SLC29A2: variants seen among roughly 807,000 people sequenced by gnomAD.
SLC29A2 encodes the protein equilibrative nucleoside transporter 2.
SLC29A2 carries 37 observed loss-of-function variants against 48.8 expected under a neutral mutation model. The observed-to-expected ratio is 0.76, with a 90% confidence interval of 0.58 to 1.00. The LOEUF (loss-of-function observed/expected upper bound fraction) is 1.00. SLC29A2 is among the 50% of genes least tolerant of loss of function. The probability of loss-of-function intolerance (pLI) is 0.00; values close to 1 mark genes in which losing one functional copy is unlikely to be tolerated. For missense variants in SLC29A2, 533 were observed against 578.6 expected (o/e 0.92, Z 0.81); for synonymous variants, 233 against 261.7 (o/e 0.89, Z 1.06).
chr11:66,363,181 G>A lies in SLC29A2; in HGVS notation c.*255C>T. ...CGTGCCCTGCACCCTCTTTTCCCTA[G>A]TCATCACCCTTTCCATGAGGTCTTG... On this transcript the variant is annotated 3_prime_UTR_variant, in exon 12 of 12. Coordinates refer to ENST00000357440, the MANE Select transcript of SLC29A2 (RefSeq NM_001532.3). 2.0e-6 allele frequency: 1 copy of A among 510,132 alleles called. No individual in the cohort carries two copies. Among genetic ancestry groups the A allele is most frequent in the Non-Finnish European group, 3.6e-6 (1 of 278,804 alleles). The allele number at this position is 510,132 out of a possible 1,614,324, so 31.6% of individuals were successfully genotyped here.
chr11:66,367,488 T>G lies in SLC29A2; in HGVS notation c.709A>C (p.Thr237Pro), dbSNP rs1855767422. 2 of 1,613,984 alleles carry G rather than the reference T, an allele frequency of 1.2e-6. No homozygotes were observed. The highest frequency in any genetic ancestry group is 1.7e-6 in the Non-Finnish European group (2 of 1,179,998). The change falls in exon 7 of 12, where the codon ACC (threonine) becomes CCC (proline). Residue 237 changes from threonine to proline, a missense_variant. Coordinates refer to ENST00000357440, the MANE Select transcript of SLC29A2 (RefSeq NM_001532.3). ...SSQAQAQELE[T>P]KAELLQSDEN... ...CCAGACTGGAGGAGCTCAGCTTTGG[T>G]CTCCAGCTCCTGAGCTTGGGCCTGG...
At position 66,364,392 on chromosome 11, in the gene SLC29A2, C is replaced by A. The variant is rs747279942; in HGVS notation, c.1092G>T (p.Leu364=). 1.2e-6 allele frequency: 2 copies of A among 1,613,420 alleles called. No individual in the cohort carries two copies. Among genetic ancestry groups the A allele is most frequent in the Admixed American group, 3.3e-5 (2 of 59,950 alleles). The change falls in exon 11 of 12, where the codon CTG becomes CTT. Residue 364 remains leucine, a synonymous_variant. Transcript: ENST00000357440. ...GCACGAACAGGAACCGCAGGCAGACCAGCAGGGGCAGCAGCCGGCTGTCCT... is the reference window on the plus strand; with the variant it reads ...GCACGAACAGGAACCGCAGGCAGACAAGCAGGGGCAGCAGCCGGCTGTCCT... ...PDEDSRLLPL[L]VCLRFLFVPL...
chr11:66,370,554 A>T (rs1391330579), intron 2 of SLC29A2, among the ~76,000 whole-genome samples: 1 of 152,204 alleles, frequency 6.6e-6, no homozygotes, highest in Non-Finnish European at 1.5e-5. Flanking sequence ...CAGTAGATGC[A>T]CATTAAAAGT....
chr11:66,366,303 G>C, intron 8 of SLC29A2, 72 bp from the exon 9 acceptor site: 2 of 1,599,080 alleles, frequency 1.3e-6, no homozygotes, highest in Non-Finnish European at 1.7e-6. Flanking sequence ...CAAGCCCCAT[G>C]TGGGAGCAGG....
At position 66,369,447 on chromosome 11, in the gene SLC29A2, T is replaced by C. The variant is rs776661732; in HGVS notation, c.197A>G (p.Asn66Ser). 7 of 1,613,974 alleles carry C rather than the reference T, an allele frequency of 4.3e-6. No homozygotes were observed. The highest frequency in any genetic ancestry group is 1.3e-5 in the African/African-American group (1 of 74,910). Residue 66 changes from asparagine (N) to serine (S), a missense_variant, in exon 3 of 12, where the codon AAC becomes AGC. By Grantham distance (46) the Asn-to-Ser change is conservative. Transcript: ENST00000357440. ...TNHTGPEDAF[N>S]FNNWVTLLSQ... ...CAGCAGCGTCACCCAATTGTTGAAG[T>C]TGAAGGCATCCTCGGGACCCGTGTG...
At chr11:66,365,739 G>T (rs1248176802) in intron 10 of SLC29A2, among the ~76,000 whole-genome samples, 197 bp downstream of exon 10, 3 of 152,234 alleles carry the variant, frequency 2.0e-5, no homozygotes, top group African/African-American at 7.2e-5. Flanking sequence ...AGCTGGACAT[G>T]ATTTTTGCTT....
chr11:66,368,454 C>T, intron 5 of SLC29A2, 83 bp downstream of exon 5: 1 of 1,568,192 alleles, frequency 6.4e-7, no homozygotes. Context: ...ACCCAGAACC[C>T]ATGTGTCTTG....
chr11:66,367,709 T>A, intron 6 of SLC29A2, 63 bp downstream of exon 6: 1 of 1,536,802 alleles, frequency 6.5e-7, no homozygotes, highest in Non-Finnish European at 9.0e-7. Flanking sequence ...TCTCAGGGCC[T>A]CAGGCTCAGG....
chr11:66,371,060 T>C (rs1662340009), intron 2 of SLC29A2, among the ~76,000 whole-genome samples, 184 bp downstream of exon 2: 1 of 152,078 alleles, frequency 6.6e-6, no homozygotes, highest in Admixed American at 6.5e-5. Flanking sequence ...GATGTGGGCA[T>C]TGCTGAAGTT....
rs1031465248 is a variant in SLC29A2 at position 66,365,693 on chromosome 11, G to T, written c.1059+243C>A. Reference sequence around the variant, plus strand: ...CAGGAACCTCCATGTAACATTCTCTGAGCAGCAAAGGCTGGATGCTGGGGA... The same window carrying T: ...CAGGAACCTCCATGTAACATTCTCTTAGCAGCAAAGGCTGGATGCTGGGGA... On this transcript the variant is annotated intron_variant, in intron 10 of 11. Coordinates refer to ENST00000357440, the MANE Select transcript of SLC29A2 (RefSeq NM_001532.3). Among the ~76,000 whole-genome samples, 3 of 152,218 alleles carry T rather than the reference G, an allele frequency of 2.0e-5. No individual in the cohort carries two copies. In the South Asian group the frequency reaches 6.2e-4, roughly 32 times the overall value.
rs1855449918 is a variant in SLC29A2 at position 66,362,662 on chromosome 11, GGGA to G, written c.*771_*773del. On this transcript the variant is annotated 3_prime_UTR_variant, in exon 12 of 12. Transcript: ENST00000357440. ...TTGGGCAGGAAGAACAGCACCAACA[GGGA>G]GGAGAGAGAGGGGATTGGGTCCCGG... 1 of 152,412 alleles carries G rather than the reference GGGA, an allele frequency of 6.6e-6. No homozygotes were observed. The highest frequency in any genetic ancestry group is 2.1e-4 in the South Asian group (1 of 4,830). The allele number at this position is 152,412 out of a possible 1,614,324, so 9.4% of individuals were successfully genotyped here.
At chr11:66,371,806 G>C, upstream of SLC29A2, 1 of 574,560 alleles carries the variant, frequency 1.7e-6, no homozygotes, top group Admixed American at 3.2e-5. Context: ...GGCGGGGACA[G>C]AGGGTCGCGC....
At position 66,367,838 on chromosome 11, in the gene SLC29A2, C is replaced by A. The variant is rs535362518; in HGVS notation, c.582G>T (p.Gly194=). 4 of 1,614,166 alleles carry A rather than the reference C, an allele frequency of 2.5e-6. No individual in the cohort carries two copies. The South Asian group carries it at 4.4e-5, about 18-fold the overall frequency. ...TGCCCACACAGGGCGTGATAAAGTA[C>A]CCCAGGGCAGAGGTCTCGGCGTCCA... ...SGVDAETSAL[G]YFITPCVGIL... The change falls in exon 6 of 12, where the codon GGG becomes GGT. Residue 194 remains glycine, a synonymous_variant. Transcript: ENST00000357440.
At position 66,369,451 on chromosome 11, in the gene SLC29A2, A is replaced by G. The variant is rs759276259; in HGVS notation, c.193T>C (p.Phe65Leu). Reference sequence around the variant, plus strand: ...AGCGTCACCCAATTGTTGAAGTTGAAGGCATCCTCGGGACCCGTGTGGTTG... The same window carrying G: ...AGCGTCACCCAATTGTTGAAGTTGAGGGCATCCTCGGGACCCGTGTGGTTG... ...STNHTGPEDA[F>L]NFNNWVTLLS... Residue 65 changes from phenylalanine (F) to leucine (L), a missense_variant, in exon 3 of 12, where the codon TTC (phenylalanine) becomes CTC (leucine). Physicochemically the swap from Phe to Leu is conservative, Grantham distance 22. Coordinates refer to ENST00000357440, the MANE Select transcript of SLC29A2 (RefSeq NM_001532.3). 6.2e-7 allele frequency: 1 copy of G among 1,614,048 alleles called. No homozygotes were observed. Among genetic ancestry groups the G allele is most frequent in the Non-Finnish European group, 8.5e-7 (1 of 1,179,994 alleles).
At chr11:66,370,858 C>CA (rs35962792) in intron 2 of SLC29A2, among the ~76,000 whole-genome samples, 33,595 of 92,236 alleles carry the variant, frequency 0.36, 5,608 homozygotes, top group East Asian at 0.44. Flanking sequence ...GACTCTGTCT[C>CA]AAAAAAAAAA....
intron 10 of SLC29A2, among the ~76,000 whole-genome samples, chr11:66,365,153 C>T (rs1855608394): frequency 6.6e-6 from 1 of 152,138 alleles, no homozygotes; most frequent in Non-Finnish European, 1.5e-5. Context: ...GATCCACCCG[C>T]CTCGGCCTCC....
intron 4 of SLC29A2, 82 bp from the exon 5 acceptor site, chr11:66,368,753 A>G (rs1855854546): frequency 6.5e-7 from 1 of 1,536,892 alleles, no homozygotes; most frequent in Non-Finnish European, 8.8e-7. Flanking sequence ...CAGGATACAC[A>G]GGGGACTCTG....
chr11:66,366,407 T>C, intron 8 of SLC29A2, 24 bp downstream of exon 8: 3 of 1,614,096 alleles, frequency 1.9e-6, no homozygotes, highest in Non-Finnish European at 2.5e-6. Context: ...AAGATGGTGG[T>C]TGGGGGCTGT....
chr11:66,365,801 G>GC, intron 10 of SLC29A2, 135 bp downstream of exon 10: 1 of 834,086 alleles, frequency 1.2e-6, no homozygotes. Flanking sequence ...GGGCCCAAGT[G>GC]CTCCCTGCTG....
Sources: allele counts gnomAD v4.1 joint callset (sites outside exome capture counted in the v4.1 genomes callset), GRCh38; gene constraint gnomAD v4.1.1; transcripts MANE v1.5; gene names NCBI Gene and HGNC (gene_info 2026-07-23, HGNC 2026-07-21).